The following AP1S3 variants were observed in gnomAD, a reference collection of about 807,000 sequenced individuals.
The protein encoded by AP1S3 is adaptor related protein complex 1 subunit sigma 3, also known as AP-1 complex subunit sigma-3.
Under a neutral mutation model 20.9 loss-of-function variants are expected in AP1S3, and 10 were observed. The observed-to-expected ratio is 0.48, with a 90% CI of 0.29 to 0.81. The LOEUF (loss-of-function observed/expected upper bound fraction) is 0.81, where lower values mean the gene tolerates loss of function less well. Ranked by LOEUF, AP1S3 falls within the 30% of genes least tolerant of loss-of-function variation. The probability of loss-of-function intolerance (pLI) is 0.08; values close to 1 mark genes in which losing one functional copy is unlikely to be tolerated. For synonymous variants in AP1S3, 41 were observed against 61.5 expected (o/e 0.67, Z 1.56); for missense variants, 154 against 183.8 (o/e 0.84, Z 0.94).
chr2:223,818,339 T>C (rs896721732), intron 1 of AP1S3, among the ~76,000 whole-genome samples: 1 of 150,556 alleles, frequency 6.6e-6, no homozygotes, highest in African/African-American at 2.4e-5. Flanking sequence ...ATCGCTTGAG[T>C]CCAGGAGGCA....
intron 1 of AP1S3, among the ~76,000 whole-genome samples, chr2:223,828,079 A>G: frequency 2.6e-5 from 1 of 38,924 alleles, no homozygotes; most frequent in African/African-American, 8.9e-5. Flanking sequence ...AAAAAAAAAA[A>G]AAAAAAAAAA....
intron 1 of AP1S3, among the ~76,000 whole-genome samples, chr2:223,796,070 G>A (rs553922984): frequency 1.3e-5 from 2 of 152,210 alleles, no homozygotes; most frequent in Non-Finnish European, 2.9e-5. Context: ...CTACTCGGGA[G>A]GCTGAGGCAG....
rs193041488 is a variant in AP1S3, at chr2:223,800,084, A to C, written c.4-22215T>G. Among the ~76,000 whole-genome samples, 579 of 148,790 alleles carry C rather than the reference A, an allele frequency of 3.9e-3. 5 individuals are homozygous for C. Among genetic ancestry groups the C allele is most frequent in the African/African-American group, 0.013 (538 of 40,202 alleles). On this transcript the variant is annotated intron_variant, in intron 1 of 4. Coordinates refer to ENST00000396654, the MANE Select transcript of AP1S3 (RefSeq NM_001039569.2). ...ACGAAAATTAGCCAGGCATGGTGGC[A>C]CACACCTCTAATCCCAGCTACTCGG...
intron 1 of AP1S3, among the ~76,000 whole-genome samples, chr2:223,783,478 T>C (rs1691000964): frequency 6.6e-6 from 1 of 152,240 alleles, no homozygotes; most frequent in African/African-American, 2.4e-5. Context: ...AAATTCTTAT[T>C]TAGACTCAGA....
chr2:223,764,981 G>A, intron 4 of AP1S3: 1 of 503,256 alleles, frequency 2.0e-6, no homozygotes, highest in Non-Finnish European at 3.3e-6. Context: ...AAATTGAGCA[G>A]GTCATTTAAC....
chr2:223,772,406 A>C (rs1238400320), intron 3 of AP1S3, among the ~76,000 whole-genome samples: 1 of 151,874 alleles, frequency 6.6e-6, no homozygotes, highest in South Asian at 2.1e-4. Flanking sequence ...CAAACAAAAA[A>C]CTCCCTACAT....
At chr2:223,823,338 CCTAAATGTCCGT>C (rs1209423183) in intron 1 of AP1S3, among the ~76,000 whole-genome samples, 6 of 152,302 alleles carry the variant, frequency 3.9e-5, no homozygotes, top group South Asian at 4.1e-4. Flanking sequence ...ATAGAATCAA[CCTAAATGTCCGT>C]CAGTGGATGG....
At chr2:223,803,646 G>A (rs1691516045) in intron 1 of AP1S3, among the ~76,000 whole-genome samples, 1 of 152,156 alleles carries the variant, frequency 6.6e-6, no homozygotes, top group Non-Finnish European at 1.5e-5. Context: ...TTGGGAGGCT[G>A]AGGTGGGCGA....
Position 223,756,933 on chromosome 2 carries a change from G to A in AP1S3, c.*1782C>T. ...TCAAAGCTAACATTGAAAATGCACA[G>A]GTAAAACATCAAATAGCAGGCAGCA... On this transcript the variant is annotated 3_prime_UTR_variant, in exon 5 of 5. Transcript: ENST00000396654. The A allele has an allele frequency of 2.0e-6, 2 of 985,040 alleles. No homozygotes were observed. Among genetic ancestry groups the A allele is most frequent in the Non-Finnish European group, 2.4e-6 (2 of 829,896 alleles). 61.0% of individuals were successfully genotyped at this position (985,040 alleles called of 1,614,324 possible).
chr2:223,789,016 T>C (rs1691143308), intron 1 of AP1S3, among the ~76,000 whole-genome samples: 1 of 152,268 alleles, frequency 6.6e-6, no homozygotes, highest in South Asian at 2.1e-4. Flanking sequence ...AACCTGTCTA[T>C]GCCCTCAGAA....
rs58904567 is a variant in AP1S3, at chr2:223,756,427, A to AG, written c.*2287dup. The AG allele has an allele frequency of 0.5, 348,983 of 703,548 alleles. 90,656 individuals carry two copies. Among genetic ancestry groups the AG allele is most frequent in the South Asian group, 0.62 (9,516 of 15,240 alleles). 43.6% of individuals were successfully genotyped at this position (703,548 alleles called of 1,614,324 possible). On this transcript the variant is annotated 3_prime_UTR_variant, in exon 5 of 5. Coordinates refer to ENST00000396654, the MANE Select transcript of AP1S3 (RefSeq NM_001039569.2). ...GAAGGGAGGGAAGGAGAGAGAGAGA[A>AG]GAAGGAAGGAAGAAAGGAAGGAAAA...
chr2:223,779,365 G>A (rs921297258), intron 1 of AP1S3, among the ~76,000 whole-genome samples: 2 of 152,052 alleles, frequency 1.3e-5, no homozygotes, highest in African/African-American at 4.8e-5. Flanking sequence ...GCAACATAGT[G>A]AGACCCCATC....
chr2:223,825,083 G>A (rs1389657239), intron 1 of AP1S3, among the ~76,000 whole-genome samples: 1 of 151,944 alleles, frequency 6.6e-6, no homozygotes, highest in African/African-American at 2.4e-5. Context: ...GCTGAGGCGG[G>A]CGGAGCACGA....
chr2:223,826,402 G>A (rs1380071193), intron 1 of AP1S3, among the ~76,000 whole-genome samples: 2 of 152,130 alleles, frequency 1.3e-5, no homozygotes, highest in Non-Finnish European at 2.9e-5. Context: ...AGACCAGCCT[G>A]GCCAACATGG....
Position 223,757,946 on chromosome 2 carries a change from TAAAG to T in AP1S3, c.*765_*768del. The T allele has an allele frequency of 1.0e-6, 1 of 968,464 alleles. No homozygotes were observed. Among genetic ancestry groups the T allele is most frequent in the Non-Finnish European group, 1.2e-6 (1 of 814,530 alleles). The allele number at this position is 968,464 out of a possible 1,614,324, so 60.0% of individuals were successfully genotyped here. A position where few individuals can be genotyped will look rare whatever the true frequency, so the allele number is the denominator to read the frequency against. On this transcript the variant is annotated 3_prime_UTR_variant, in exon 5 of 5. Transcript: ENST00000396654. The stretch of plus-strand genomic sequence containing the variant: ...TTCTTATCATACTATTTTAGAATAA[TAAAG>T]GAAGTCATAGATGCTGTATCTCTAG...
rs57103665 is a variant in AP1S3 at position 223,780,357 on chromosome 2, A to AGT, written c.4-2490_4-2489dup. 2.1e-3 allele frequency among the ~76,000 whole-genome samples: 92 copies of AGT among 44,436 alleles called. 2 individuals are homozygous for AGT. The highest frequency in any genetic ancestry group is 3.3e-3 in the South Asian group (2 of 606). 29.2% of individuals were successfully genotyped at this position (44,436 alleles called of 152,430 possible). On this transcript the variant is annotated intron_variant, in intron 1 of 4. Coordinates refer to ENST00000396654, the MANE Select transcript of AP1S3 (RefSeq NM_001039569.2). ...GAGAGAGAGAGAGAGAGAGAGAGAG[A>AGT]GTGTGTGTGTGTGTGTGTGTGTGTG...
In AP1S3 at chr2:223,814,803, G is replaced by T. The variant is rs142666379; in HGVS notation, c.3+22645C>A. The stretch of plus-strand genomic sequence containing the variant: ...TTATTTTTCTTTAATTTGAAACAGG[G>T]TCTTACTCTGTCACCCAGGCTGGTG... On this transcript the variant is annotated intron_variant, in intron 1 of 4. Transcript: ENST00000396654. Among the ~76,000 whole-genome samples, 290 of 152,236 alleles carry T rather than the reference G, an allele frequency of 1.9e-3. 5 individuals are homozygous for T. The East Asian group carries it at 0.05, about 26-fold the overall frequency.
intron 1 of AP1S3, among the ~76,000 whole-genome samples, chr2:223,824,268 G>A (rs958393493): frequency 6.6e-6 from 1 of 152,082 alleles, no homozygotes; most frequent in African/African-American, 2.4e-5. Context: ...CTCCCAAAGT[G>A]CGGGGATTAT....
At chr2:223,803,061 T>C (rs1691503305) in intron 1 of AP1S3, among the ~76,000 whole-genome samples, 1 of 152,210 alleles carries the variant, frequency 6.6e-6, no homozygotes, top group African/African-American at 2.4e-5. Flanking sequence ...TTGAACCCTG[T>C]TGAAAGCCAA....
Sources: gnomAD v4.1 joint callset for allele counts (sites outside exome capture counted in the v4.1 genomes callset) on GRCh38, gnomAD v4.1.1 for gene constraint, MANE v1.5 for transcripts, NCBI Gene and HGNC (gene_info 2026-07-23, HGNC 2026-07-21) for gene names.